TLL1: variants seen among roughly 807,000 people sequenced by gnomAD.
TLL1 encodes the protein tolloid-like protein 1.
In TLL1, 49 loss-of-function variants were observed where a neutral mutation model predicts 128.2. The observed-to-expected ratio is 0.38, with a 90% CI of 0.30 to 0.48. TLL1 has a LOEUF of 0.48. TLL1 is among the 20% of genes least tolerant of loss of function. The pLI, the probability that TLL1 is intolerant of heterozygous loss-of-function variation, is 0.96. For synonymous variants in TLL1, 454 were observed against 418.8 expected, an observed-to-expected ratio of 1.08 and a Z score of -1.03; for missense variants, 1,123 against 1,242.0, an observed-to-expected ratio of 0.90 and a Z score of 1.44.
intron 9 of TLL1, among the ~76,000 whole-genome samples, chr4:166,033,864 G>A (rs1321581602): frequency 6.6e-6 from 1 of 152,082 alleles, no homozygotes; most frequent in Non-Finnish European, 1.5e-5. Flanking sequence ...CCTTAGAATT[G>A]ACTAACCTTT....
chr4:166,097,324 A>G (rs1742071277), intron 19 of TLL1, among the ~76,000 whole-genome samples: 1 of 152,090 alleles, frequency 6.6e-6, no homozygotes, highest in Non-Finnish European at 1.5e-5. Flanking sequence ...TCCCAAGGCT[A>G]ATTGGTATTC....
intron 20 of TLL1, among the ~76,000 whole-genome samples, chr4:166,099,778 T>C (rs1742207860): frequency 6.6e-6 from 1 of 152,138 alleles, no homozygotes; most frequent in Admixed American, 6.6e-5. Flanking sequence ...CTTGTCACTT[T>C]TCCATTGTTC....
intron 1 of TLL1, among the ~76,000 whole-genome samples, chr4:165,897,662 CTTTTTTTTT>C (rs951819686): frequency 2.1e-5 from 1 of 47,516 alleles, no homozygotes; most frequent in African/African-American, 9.0e-5. Flanking sequence ...GGTAGTCCAG[CTTTTTTTTT>C]TTTTTTTTTT....
At chr4:165,925,326 A>G (rs931095926) in intron 1 of TLL1, among the ~76,000 whole-genome samples, 5 of 152,246 alleles carry the variant, frequency 3.3e-5, no homozygotes, top group African/African-American at 4.8e-5. Context: ...AGATCAAAAT[A>G]TCAACATTAA....
intron 1 of TLL1, among the ~76,000 whole-genome samples, chr4:165,983,651 A>T (rs1235307855): frequency 2.6e-5 from 4 of 151,888 alleles, no homozygotes; most frequent in Non-Finnish European, 5.9e-5. Context: ...TTTAAAAAGT[A>T]ATTGAAGAAG....
At chr4:165,961,485 G>A (rs138530345) in intron 1 of TLL1, among the ~76,000 whole-genome samples, 1 of 152,134 alleles carries the variant, frequency 6.6e-6, no homozygotes, top group East Asian at 1.9e-4. Context: ...AATTCATATG[G>A]AACCCCAAAA....
At chr4:166,094,167 C>T (rs1472981337) in intron 19 of TLL1, among the ~76,000 whole-genome samples, 1 of 152,048 alleles carries the variant, frequency 6.6e-6, no homozygotes, top group Non-Finnish European at 1.5e-5. Flanking sequence ...TATTTGAATC[C>T]TCAAAAGAAC....
In TLL1 at chr4:166,001,458, A is replaced by G. The variant is rs573238616; in HGVS notation, c.633-1933A>G. Among the ~76,000 whole-genome samples, 8 of 152,144 alleles carry G rather than the reference A, an allele frequency of 5.3e-5. No homozygotes were observed. In the South Asian group the frequency reaches 1.7e-3, roughly 32 times the overall value. On this transcript the variant is annotated intron_variant, in intron 5 of 20. Transcript: ENST00000061240. The stretch of plus-strand genomic sequence containing the variant: ...ACACTTAGACTTGCAGACACACACA[A>G]TGACTAGATGGAACTTCTATATTTT...
chr4:165,921,782 C>A (rs1270664878), intron 1 of TLL1, among the ~76,000 whole-genome samples: 1 of 152,072 alleles, frequency 6.6e-6, no homozygotes, highest in East Asian at 1.9e-4. Flanking sequence ...TGAGACTGTT[C>A]TGTGGTTTGA....
intron 1 of TLL1, among the ~76,000 whole-genome samples, chr4:165,939,917 C>T (rs776392396): frequency 1.7e-4 from 26 of 151,940 alleles, no homozygotes; most frequent in Non-Finnish European, 2.4e-4. Context: ...ATTCGACACA[C>T]GTATTTTTCG....
chr4:165,889,109 C>T (rs567380155), intron 1 of TLL1, among the ~76,000 whole-genome samples: 8 of 152,250 alleles, frequency 5.3e-5, no homozygotes, highest in African/African-American at 1.4e-4. Context: ...GGAAGCTCAG[C>T]GCCAGTACCT....
chr4:166,091,542 C>G (rs554619714), intron 19 of TLL1, among the ~76,000 whole-genome samples: 1 of 152,176 alleles, frequency 6.6e-6, no homozygotes, highest in African/African-American at 2.4e-5. Context: ...TAGGAAAACC[C>G]TAGTTTCTGT....
intron 1 of TLL1, among the ~76,000 whole-genome samples, chr4:165,956,673 T>C (rs1160351030): frequency 6.6e-6 from 1 of 152,114 alleles, no homozygotes; most frequent in Non-Finnish European, 1.5e-5. Context: ...AATCAATTTG[T>C]ACAGTTAACA....
At chr4:165,997,946 G>T (rs904366262) in intron 5 of TLL1, among the ~76,000 whole-genome samples, 3 of 152,088 alleles carry the variant, frequency 2.0e-5, no homozygotes, top group African/African-American at 7.2e-5. Context: ...TGAGCTATAA[G>T]TATTTTATTT....
chr4:165,948,775 G>A (rs1199114849), intron 1 of TLL1, among the ~76,000 whole-genome samples: 6 of 152,094 alleles, frequency 3.9e-5, no homozygotes, highest in African/African-American at 7.2e-5. Context: ...TTTCAATAAG[G>A]GTTTTGGAGG....
chr4:165,966,503 C>T (rs954414474), intron 1 of TLL1, among the ~76,000 whole-genome samples: 6 of 152,042 alleles, frequency 3.9e-5, no homozygotes, highest in African/African-American at 1.4e-4. Flanking sequence ...GAAATCTTAC[C>T]AGGGAAGATG....
intron 8 of TLL1, among the ~76,000 whole-genome samples, chr4:166,019,761 G>A (rs1276586357): frequency 2.0e-5 from 3 of 152,042 alleles, no homozygotes; most frequent in Non-Finnish European, 4.4e-5. Context: ...GCATTAAAAT[G>A]TATACATTTT....
chr4:165,879,744 G>A (rs1405128068), intron 1 of TLL1, among the ~76,000 whole-genome samples: 2 of 151,996 alleles, frequency 1.3e-5, no homozygotes, highest in Non-Finnish European at 2.9e-5. Context: ...AAGTGGTGGG[G>A]GTGGGTGAGC....
chr4:166,061,717 T>G (rs1251947114), intron 15 of TLL1, among the ~76,000 whole-genome samples: 2 of 152,144 alleles, frequency 1.3e-5, no homozygotes, highest in African/African-American at 4.8e-5. Flanking sequence ...AGCTCTTTAG[T>G]TTAATTAGAT....
Sources: allele counts gnomAD v4.1 joint callset (sites outside exome capture counted in the v4.1 genomes callset), GRCh38; gene constraint gnomAD v4.1.1; transcripts MANE v1.5; gene names NCBI Gene and HGNC (gene_info 2026-07-23, HGNC 2026-07-21).